QTMAN: variants seen among roughly 807,000 people sequenced by gnomAD.
QTMAN encodes queuosine-tRNA mannosyltransferase.
the QTMAN span, among the ~76,000 whole-genome samples, chr2:143,971,628 A>C: frequency 1.3e-5 from 2 of 152,118 alleles, no homozygotes. Flanking sequence ...TCTTGCATTT[A>C]ATTACACTGT....
chr2:143,969,421 T>C, the QTMAN span, among the ~76,000 whole-genome samples: 1 of 152,238 alleles, frequency 6.6e-6, no homozygotes, highest in African/African-American at 2.4e-5. Flanking sequence ...GTCCAATAAA[T>C]ATTCACTGAG....
chr2:144,330,883 A>T, the QTMAN span, among the ~76,000 whole-genome samples: 1 of 152,224 alleles, frequency 6.6e-6, no homozygotes, highest in South Asian at 2.1e-4. Flanking sequence ...TTATACTGTT[A>T]ATGTTCCTTA....
At chr2:144,079,488 T>C in the QTMAN span, among the ~76,000 whole-genome samples, 2 of 152,258 alleles carry the variant, frequency 1.3e-5, no homozygotes, top group Admixed American at 1.3e-4. Context: ...TGAGACAGCA[T>C]TTCTGAAGAA....
chr2:144,255,026 T>G, the QTMAN span, among the ~76,000 whole-genome samples: 1 of 152,194 alleles, frequency 6.6e-6, no homozygotes, highest in Non-Finnish European at 1.5e-5. Flanking sequence ...GCTTTTAATT[T>G]CATGGGCTCA....
At chr2:144,035,771 G>C in the QTMAN span, among the ~76,000 whole-genome samples, 2 of 152,148 alleles carry the variant, frequency 1.3e-5, no homozygotes, top group African/African-American at 4.8e-5. Flanking sequence ...TTATAATCTA[G>C]TTAGAAATAT....
chr2:144,068,287 C>T, the QTMAN span, among the ~76,000 whole-genome samples: 2 of 152,068 alleles, frequency 1.3e-5, no homozygotes, highest in African/African-American at 2.4e-5. Context: ...ACATTTTCAT[C>T]AAGTGCTGCA....
At chr2:143,957,725 G>A in the QTMAN span, among the ~76,000 whole-genome samples, 3 of 152,194 alleles carry the variant, frequency 2.0e-5, no homozygotes, top group Non-Finnish European at 2.9e-5. Context: ...AAATGGCATT[G>A]CAGTGACAGC....
At chr2:144,049,112 T>A in the QTMAN span, among the ~76,000 whole-genome samples, 1 of 152,074 alleles carries the variant, frequency 6.6e-6, no homozygotes, top group Admixed American at 6.6e-5. Flanking sequence ...TTTTCTCCCC[T>A]AAAAAAATCA....
the QTMAN span, chr2:144,294,396 C>T: frequency 6.6e-6 from 1 of 152,136 alleles, no homozygotes; most frequent in East Asian, 1.9e-4. Context: ...CTGATGCTCT[C>T]GGACATCATT....
the QTMAN span, among the ~76,000 whole-genome samples, chr2:144,267,670 C>T: frequency 5.3e-5 from 8 of 152,192 alleles, no homozygotes; most frequent in African/African-American, 1.9e-4. Flanking sequence ...GGATTTTTAA[C>T]ACTTCCACAG....
chr2:144,213,728 G>C, the QTMAN span, among the ~76,000 whole-genome samples: 2 of 152,034 alleles, frequency 1.3e-5, no homozygotes, highest in African/African-American at 4.8e-5. Flanking sequence ...ATATAGTTTT[G>C]ATTTACCTAT....
At chr2:144,268,549 C>A in the QTMAN span, among the ~76,000 whole-genome samples, 3 of 152,142 alleles carry the variant, frequency 2.0e-5, no homozygotes, top group Non-Finnish European at 4.4e-5. Flanking sequence ...CCTCACCAGA[C>A]AAAGGATCTG....
chr2:144,188,360 T>TACC, the QTMAN span, among the ~76,000 whole-genome samples: 1 of 152,212 alleles, frequency 6.6e-6, no homozygotes, highest in African/African-American at 2.4e-5. Context: ...CTTAACCATC[T>TACC]ACCACTAATT....
At chr2:144,164,618 A>C in the QTMAN span, among the ~76,000 whole-genome samples, 1 of 152,116 alleles carries the variant, frequency 6.6e-6, no homozygotes, top group Non-Finnish European at 1.5e-5. Flanking sequence ...TTTACGCAAT[A>C]ACCATTTTCC....
the QTMAN span, among the ~76,000 whole-genome samples, chr2:144,133,016 A>G: frequency 1.2e-4 from 17 of 143,220 alleles, no homozygotes; most frequent in Non-Finnish European, 2.0e-4. Context: ...CCTAGGCTGA[A>G]CAGTGGTAGT....
At chr2:144,030,136 G>T in the QTMAN span, among the ~76,000 whole-genome samples, 1 of 152,162 alleles carries the variant, frequency 6.6e-6, no homozygotes, top group East Asian at 1.9e-4. Flanking sequence ...TGTAGCAAAT[G>T]ATTTGAATAA....
chr2:144,062,863 T>G, the QTMAN span, among the ~76,000 whole-genome samples: 28 of 152,172 alleles, frequency 1.8e-4, no homozygotes, highest in South Asian at 1.2e-3. Flanking sequence ...AATCTCTCCT[T>G]TGTACGAGAA....
chr2:144,101,700 T>C, the QTMAN span, among the ~76,000 whole-genome samples: 1 of 151,972 alleles, frequency 6.6e-6, no homozygotes. Context: ...TAAATATATA[T>C]AATATCAATA....
the QTMAN span, among the ~76,000 whole-genome samples, chr2:144,134,507 C>A: frequency 6.6e-6 from 1 of 152,142 alleles, no homozygotes; most frequent in Non-Finnish European, 1.5e-5. Flanking sequence ...TTATATAATC[C>A]CTATTCCAGG....
Sources: allele counts gnomAD v4.1 joint callset (sites outside exome capture counted in the v4.1 genomes callset), GRCh38; gene constraint gnomAD v4.1.1; transcripts MANE v1.5; gene names NCBI Gene and HGNC (gene_info 2026-07-23, HGNC 2026-07-21).